CALN1: variants seen among roughly 807,000 people sequenced by gnomAD.
The protein encoded by CALN1 is calcium-binding protein 8.
In CALN1, 17 loss-of-function variants were observed where a neutral mutation model predicts 30.6. That is an observed-to-expected ratio of 0.56 (90% CI 0.38 to 0.83). The LOEUF is 0.83. Ranked by LOEUF, CALN1 falls within the 40% of genes least tolerant of loss-of-function variation. CALN1 has a pLI of 0.00. For missense variants in CALN1, 291 were observed against 354.9 expected (o/e 0.82, Z 1.45); for synonymous variants, 156 against 131.4 (o/e 1.19, Z -1.28).
intron 3 of CALN1, among the ~76,000 whole-genome samples, chr7:72,212,823 C>G (rs1250589084): frequency 1.3e-5 from 2 of 152,122 alleles, no homozygotes; most frequent in African/African-American, 4.8e-5. Context: ...CCTAAGAAAA[C>G]ATAAAAATAA....
intron 3 of CALN1, among the ~76,000 whole-genome samples, chr7:72,219,248 A>G (rs201070303): frequency 6.6e-6 from 1 of 152,108 alleles, no homozygotes; most frequent in Non-Finnish European, 1.5e-5. Flanking sequence ...CTTAAGAGAC[A>G]AGGTCTTGCT....
chr7:72,030,959 G>A (rs844682), intron 4 of CALN1, among the ~76,000 whole-genome samples: 2,561 of 152,106 alleles, frequency 0.017, 80 homozygotes, highest in African/African-American at 0.06. Flanking sequence ...TGTTGCCCAG[G>A]CTGGCCTCAA....
chr7:71,835,516 C>T (rs1362322110), intron 5 of CALN1, among the ~76,000 whole-genome samples: 1 of 152,292 alleles, frequency 6.6e-6, no homozygotes, highest in East Asian at 1.9e-4. Flanking sequence ...GATCACAAAT[C>T]GAGCACACGG....
chr7:71,842,917 A>G (rs1054109849), intron 5 of CALN1, among the ~76,000 whole-genome samples: 1 of 152,246 alleles, frequency 6.6e-6, no homozygotes, highest in African/African-American at 2.4e-5. Context: ...TACTCTAAAT[A>G]CTTTACATGA....
At chr7:72,073,974 G>A (rs1382017292) in intron 4 of CALN1, among the ~76,000 whole-genome samples, 3 of 152,044 alleles carry the variant, frequency 2.0e-5, no homozygotes, top group Admixed American at 6.6e-5. Context: ...GGATTGCAGG[G>A]AAAAGCCACC....
chr7:72,198,279 G>A (rs1791171110), intron 3 of CALN1, among the ~76,000 whole-genome samples: 1 of 152,074 alleles, frequency 6.6e-6, no homozygotes, highest in South Asian at 2.1e-4. Context: ...CATGATGAAT[G>A]GCCATAAAAA....
At chr7:72,016,970 T>G (rs1584752054) in intron 5 of CALN1, among the ~76,000 whole-genome samples, 3 of 106,756 alleles carry the variant, frequency 2.8e-5, no homozygotes, top group Admixed American at 1.1e-4. Flanking sequence ...CTGGCCAAGG[T>G]GGCAAAACCC....
At chr7:71,814,864 C>T (rs959441155) in intron 5 of CALN1, among the ~76,000 whole-genome samples, 2 of 148,664 alleles carry the variant, frequency 1.3e-5, no homozygotes, top group Non-Finnish European at 1.5e-5. Flanking sequence ...GACAAAGTCT[C>T]GCTCTGTCCC....
At chr7:72,093,758 C>T (rs1426587873) in intron 4 of CALN1, among the ~76,000 whole-genome samples, 2 of 152,016 alleles carry the variant, frequency 1.3e-5, no homozygotes, top group Admixed American at 1.3e-4. Context: ...CTAAAATAAT[C>T]ACTTATTTCT....
chr7:72,327,288 GT>G (rs2129557765), intron 2 of CALN1, among the ~76,000 whole-genome samples: 1 of 152,338 alleles, frequency 6.6e-6, no homozygotes, highest in East Asian at 1.9e-4. Context: ...GAGGTCAGGA[GT>G]TTGACACCAG....
At chr7:71,853,709 A>G (rs528432549) in intron 5 of CALN1, among the ~76,000 whole-genome samples, 7 of 152,124 alleles carry the variant, frequency 4.6e-5, no homozygotes, top group African/African-American at 1.7e-4. Context: ...CCTCCCGAGT[A>G]GCTGGGATTA....
intron 5 of CALN1, among the ~76,000 whole-genome samples, chr7:71,909,493 C>T (rs566676112): frequency 6.6e-6 from 1 of 151,832 alleles, no homozygotes; most frequent in African/African-American, 2.4e-5. Flanking sequence ...CACATGGATT[C>T]CAATGGATTG....
At chr7:71,820,074 G>GA (rs1235645895) in intron 5 of CALN1, among the ~76,000 whole-genome samples, 2 of 152,204 alleles carry the variant, frequency 1.3e-5, no homozygotes, top group African/African-American at 4.8e-5. Flanking sequence ...AACAGAGTAA[G>GA]ACTGATAGGA....
chr7:71,795,529 C>T (rs1014009815), intron 6 of CALN1, among the ~76,000 whole-genome samples: 5 of 152,164 alleles, frequency 3.3e-5, no homozygotes, highest in African/African-American at 9.7e-5. Context: ...AATTCAGCAG[C>T]GTTTAACACA....
intron 2 of CALN1, among the ~76,000 whole-genome samples, chr7:72,333,928 G>A (rs1801835694): frequency 6.6e-6 from 1 of 152,154 alleles, no homozygotes; most frequent in South Asian, 2.1e-4. Context: ...CTCTAAACAA[G>A]TTACTGCAGG....
chr7:72,495,408 G>A, the CALN1 span, among the ~76,000 whole-genome samples: 5 of 152,082 alleles, frequency 3.3e-5, no homozygotes, highest in Admixed American at 6.5e-5. Flanking sequence ...TAGCAACCAC[G>A]GTCCTTCAGT....
chr7:72,003,197 A>T (rs1799610759), intron 5 of CALN1, among the ~76,000 whole-genome samples: 1 of 152,216 alleles, frequency 6.6e-6, no homozygotes, highest in African/African-American at 2.4e-5. Context: ...TAACACAAAA[A>T]ATCACATTTC....
rs185472074 is a variant in CALN1 at position 72,444,551 on chromosome 7, C to A, written c.-226+2491G>T. On this transcript the variant is annotated intron_variant, in intron 1 of 6. Transcript: ENST00000395276. ...ATGTTGTTTCCACGCCATGCCAGGC[C>A]CTTTGCTAGCTTTTGGGAGAGATAG... Among the ~76,000 whole-genome samples, 390 of 152,208 alleles carry A rather than the reference C, an allele frequency of 2.6e-3. 3 individuals are homozygous for A. Among genetic ancestry groups the A allele is most frequent in the Admixed American group, 4.6e-3 (71 of 15,284 alleles).
chr7:72,283,035 A>T (rs1203560347), intron 2 of CALN1, among the ~76,000 whole-genome samples: 1 of 142,404 alleles, frequency 7.0e-6, no homozygotes, highest in Non-Finnish European at 1.5e-5. Context: ...AGCCTGGGTG[A>T]TCGAGGGAGA....
Sources: gnomAD v4.1 joint callset for allele counts (sites outside exome capture counted in the v4.1 genomes callset) on GRCh38, gnomAD v4.1.1 for gene constraint, MANE v1.5 for transcripts, NCBI Gene and HGNC (gene_info 2026-07-23, HGNC 2026-07-21) for gene names.